Variants in SEMA5B observed in about 807,000 individuals in gnomAD.
SEMA5B encodes the protein semaphorin-5B.
SEMA5B carries 66 observed loss-of-function variants against 135.0 expected under a neutral mutation model. That is an observed-to-expected ratio of 0.49 (90% CI 0.40 to 0.60). SEMA5B has a LOEUF of 0.60. Among genes scored for constraint, SEMA5B ranks in the 20% least tolerant of loss-of-function variants. The probability of loss-of-function intolerance (pLI) is 0.00; values close to 1 mark genes in which losing one functional copy is unlikely to be tolerated. For missense variants in SEMA5B, 1,501 were observed against 1,566.3 expected, an observed-to-expected ratio of 0.96 and a Z score of 0.70; for synonymous variants, 690 against 639.5, an observed-to-expected ratio of 1.08 and a Z score of -1.19.
At chr3:122,992,121 G>A (rs990202515) in intron 1 of SEMA5B, among the ~76,000 whole-genome samples, 1 of 152,176 alleles carries the variant, frequency 6.6e-6, no homozygotes, top group African/African-American at 2.4e-5. Context: ...CAAGGGCTGT[G>A]GTTCTCCACC....
At chr3:123,027,443 C>T (rs1942827883) in intron 1 of SEMA5B, 21 bp downstream of exon 1, 1 of 152,350 alleles carries the variant, frequency 6.6e-6, no homozygotes, top group Non-Finnish European at 1.5e-5. Context: ...AGGGGAAGCG[C>T]CCGGGGCTCC....
chr3:122,967,113 G>C (rs943170886), intron 1 of SEMA5B, among the ~76,000 whole-genome samples: 2 of 147,734 alleles, frequency 1.4e-5, no homozygotes, highest in African/African-American at 5.0e-5. Context: ...TTGAACCCCC[G>C]ACCTCAGGTG....
rs115990669 is a variant in SEMA5B at position 122,964,663 on chromosome 3, G to A, written c.-38-3362C>T. ...GCCTCCCTCCTGGACAAGGGAACCC[G>A]CTCTTCCTGGGTTGCCCTAGCCAGC... On this transcript the variant is annotated intron_variant, in intron 1 of 22. Coordinates refer to ENST00000357599, the MANE Select transcript of SEMA5B (RefSeq NM_001031702.4). Among the ~76,000 whole-genome samples the A allele has an allele frequency of 9.4e-3, 1,429 of 152,240 alleles. 13 individuals are homozygous for A. Among genetic ancestry groups the A allele is most frequent in the Non-Finnish European group, 0.014 (984 of 68,016 alleles).
intron 1 of SEMA5B, among the ~76,000 whole-genome samples, chr3:122,995,538 T>A (rs925816050): frequency 3.3e-5 from 5 of 152,120 alleles, no homozygotes; most frequent in Non-Finnish European, 7.3e-5. Flanking sequence ...GGGCCACACA[T>A]GGTTTACATC....
At chr3:122,996,322 GC>G (rs1428394664) in intron 1 of SEMA5B, among the ~76,000 whole-genome samples, 1 of 152,260 alleles carries the variant, frequency 6.6e-6, no homozygotes, top group Non-Finnish European at 1.5e-5. Flanking sequence ...ACATAAAAAG[GC>G]CAGATGGACG....
At chr3:122,954,955 G>T (rs1233758165) in intron 2 of SEMA5B, among the ~76,000 whole-genome samples, 1 of 148,230 alleles carries the variant, frequency 6.7e-6, no homozygotes, top group Non-Finnish European at 1.5e-5. Context: ...ACCAGGCTGG[G>T]CAATTTTGTT....
chr3:122,959,494 G>A (rs1050143451), intron 2 of SEMA5B, among the ~76,000 whole-genome samples: 4 of 152,182 alleles, frequency 2.6e-5, no homozygotes, highest in Non-Finnish European at 5.9e-5. Context: ...CATAAACATG[G>A]TCTATAATCT....
chr3:123,008,433 A>C (rs1942359975), intron 1 of SEMA5B, among the ~76,000 whole-genome samples: 1 of 152,178 alleles, frequency 6.6e-6, no homozygotes, highest in Non-Finnish European at 1.5e-5. Flanking sequence ...GGATTATTTG[A>C]AGGCACTCCA....
At chr3:122,914,565 A>G (rs888027560) in intron 14 of SEMA5B, among the ~76,000 whole-genome samples, 2 of 152,234 alleles carry the variant, frequency 1.3e-5, no homozygotes, top group East Asian at 3.8e-4. Context: ...TAAAGTAAGG[A>G]CAATGATTGT....
chr3:122,933,941 T>C (rs896173584), intron 5 of SEMA5B, among the ~76,000 whole-genome samples: 4 of 150,818 alleles, frequency 2.7e-5, no homozygotes, highest in Non-Finnish European at 4.4e-5. Flanking sequence ...AGACTTTTGC[T>C]CTGTTGCCCA....
intron 1 of SEMA5B, among the ~76,000 whole-genome samples, chr3:123,011,696 C>A (rs1942441468): frequency 6.6e-6 from 1 of 152,188 alleles, no homozygotes; most frequent in South Asian, 2.1e-4. Context: ...GAGGAACAGG[C>A]ACCAAGGCTG....
At chr3:122,960,110 A>G (rs1940509543) in intron 2 of SEMA5B, among the ~76,000 whole-genome samples, 1 of 152,186 alleles carries the variant, frequency 6.6e-6, no homozygotes, top group Non-Finnish European at 1.5e-5. Context: ...CATGCCCACA[A>G]CTCAAAAACA....
At chr3:122,913,740 T>C in intron 15 of SEMA5B, 59 bp from the exon 16 acceptor site, 1 of 1,593,042 alleles carries the variant, frequency 6.3e-7, no homozygotes, top group Admixed American at 1.7e-5. Context: ...TGACGAGAGG[T>C]CCCTGGGAGT....
At chr3:122,929,294 C>T (rs761606009) in intron 5 of SEMA5B, among the ~76,000 whole-genome samples, 4 of 152,206 alleles carry the variant, frequency 2.6e-5, no homozygotes, top group Non-Finnish European at 5.9e-5. Context: ...CCACTGCCTG[C>T]TTGTGTCAGA....
At chr3:122,988,942 C>T (rs1941781927) in intron 1 of SEMA5B, among the ~76,000 whole-genome samples, 1 of 152,228 alleles carries the variant, frequency 6.6e-6, no homozygotes, top group Admixed American at 6.5e-5. Context: ...TCTGGAGAAG[C>T]AGGCTCTGCC....
At chr3:122,962,006 C>T (rs1158776071) in intron 1 of SEMA5B, among the ~76,000 whole-genome samples, 1 of 152,182 alleles carries the variant, frequency 6.6e-6, no homozygotes. Flanking sequence ...TCCCGTGGAC[C>T]ACAGCTGGGC....
chr3:122,959,938 T>G (rs1244317574), intron 2 of SEMA5B, among the ~76,000 whole-genome samples: 1 of 152,224 alleles, frequency 6.6e-6, no homozygotes, highest in Non-Finnish European at 1.5e-5. Context: ...CCTACTTTAA[T>G]TGCTGAAATT....
At chr3:122,913,099 C>A in intron 17 of SEMA5B, 38 bp from the exon 18 acceptor site, 2 of 1,418,078 alleles carry the variant, frequency 1.4e-6, no homozygotes, top group Non-Finnish European at 1.8e-6. Context: ...GGGCGCCCGG[C>A]CACCCCGACC....
At chr3:122,932,243 A>ACT (rs1939010573) in intron 5 of SEMA5B, among the ~76,000 whole-genome samples, 1 of 85,380 alleles carries the variant, frequency 1.2e-5, no homozygotes, top group Admixed American at 1.5e-4. Context: ...TCTCAATATG[A>ACT]TTTTTTTTTT....
Sources: gnomAD v4.1 joint callset for allele counts (sites outside exome capture counted in the v4.1 genomes callset) on GRCh38, gnomAD v4.1.1 for gene constraint, MANE v1.5 for transcripts, NCBI Gene and HGNC (gene_info 2026-07-23, HGNC 2026-07-21) for gene names.